The following CCL17 variants were observed in gnomAD, a reference collection of about 807,000 sequenced individuals.
The protein encoded by CCL17 is C-C motif chemokine 17.
A neutral mutation model predicts 7.4 loss-of-function variants in CCL17; 8 were observed. That is an observed-to-expected ratio of 1.09 (90% CI 0.64 to 1.96). The LOEUF (loss-of-function observed/expected upper bound fraction) is 1.96. Among genes scored for constraint, CCL17 ranks in the 30% most tolerant of loss-of-function variants. The pLI is 0.00. For synonymous variants in CCL17, 40 were observed against 46.1 expected (o/e 0.87, Z 0.54); for missense variants, 102 against 113.0 (o/e 0.90, Z 0.44).
intron 1 of CCL17, among the ~76,000 whole-genome samples, chr16:57,413,393 C>T (rs1353975495): frequency 1.3e-5 from 2 of 152,128 alleles, no homozygotes; most frequent in South Asian, 2.1e-4. Context: ...GAAGCTCACT[C>T]ATGGTCCAGG....
In CCL17 at chr16:57,415,794, G is replaced by C. The variant is rs1300662684; in HGVS notation, c.218G>C (p.Cys73Ser). The change falls in exon 4 of 4, where the codon TGT (cysteine) becomes TCT (serine). Residue 73 changes from cysteine to serine, a missense_variant. Physicochemically the swap from Cys to Ser is moderately radical, Grantham distance 112. Coordinates refer to ENST00000219244, the MANE Select transcript of CCL17 (RefSeq NM_002987.3). This position sits in a 1 kb window ranked among gnomAD's most constrained non-coding sequence, Gnocchi z 4.5. ...VFVTVQGRAI[C>S]SDPNNKRVKN... is the part of the protein sequence containing the mutation. ...GTAACTGTGCAGGGCAGGGCCATCT[G>C]TTCGGACCCCAACAACAAGAGAGTG... 1 of 1,613,516 alleles carries C rather than the reference G, an allele frequency of 6.2e-7. No homozygotes were observed.
chr16:57,404,588 G>T (rs940796973), upstream of CCL17, among the ~76,000 whole-genome samples: 18 of 152,132 alleles, frequency 1.2e-4, no homozygotes, highest in Non-Finnish European at 4.4e-5. Flanking sequence ...TAGGCAGCTG[G>T]ACGTAGAAGG....
At chr16:57,402,189 C>A (rs1335581597), upstream of CCL17, among the ~76,000 whole-genome samples, 11 of 152,248 alleles carry the variant, frequency 7.2e-5, no homozygotes, top group African/African-American at 1.4e-4. Flanking sequence ...GTGGCCACAG[C>A]CCTTCCCAAT....
chr16:57,403,416 TTATATTATAATATATATTATAA>T (rs1902629438), upstream of CCL17, among the ~76,000 whole-genome samples: 2 of 18,436 alleles, frequency 1.1e-4, 1 homozygote, highest in African/African-American at 9.5e-4. Flanking sequence ...AATATATATA[TTATATTATAATATATATTATAA>T]TATATATATT....
chr16:57,405,240 G>A (rs866237098), intron 1 of CCL17, among the ~76,000 whole-genome samples: 7 of 152,294 alleles, frequency 4.6e-5, no homozygotes, highest in Middle Eastern at 3.4e-3. Flanking sequence ...GATGAGGGAG[G>A]TGTCAGGAGA....
the CCL17 span, among the ~76,000 whole-genome samples, chr16:57,399,300 C>T: frequency 6.6e-6 from 1 of 152,182 alleles, no homozygotes; most frequent in Non-Finnish European, 1.5e-5. Flanking sequence ...ATCCCATCCA[C>T]ATGGCTGGGG....
Position 57,413,922 on chromosome 16 carries a change from C to T in CCL17, c.-11C>T. 8 of 1,602,680 alleles carry T rather than the reference C, an allele frequency of 5.0e-6. No individual in the cohort carries two copies. The highest frequency in any genetic ancestry group is 6.8e-6 in the Non-Finnish European group (8 of 1,174,766). The stretch of plus-strand genomic sequence containing the variant: ...CTGCACACAGAGACTCCCTCCTGGG[C>T]TCCTGGCACCATGGCCCCACTGAAG... On this transcript the variant is annotated 5_prime_UTR_variant, in exon 2 of 4. Transcript: ENST00000219244.
the CCL17 span, among the ~76,000 whole-genome samples, chr16:57,396,619 G>A: frequency 3.5e-4 from 53 of 152,266 alleles, no homozygotes; most frequent in African/African-American, 1.2e-3. Flanking sequence ...GGTCATGCAG[G>A]GAGTATGTTT....
chr16:57,402,146 C>T (rs1902602240), upstream of CCL17, among the ~76,000 whole-genome samples: 1 of 152,256 alleles, frequency 6.6e-6, no homozygotes, highest in Non-Finnish European at 1.5e-5. Flanking sequence ...TCTCTAGGGA[C>T]TCCTGCTTCC....
intron 1 of CCL17, among the ~76,000 whole-genome samples, chr16:57,406,851 A>C (rs1238885000): frequency 6.6e-6 from 1 of 152,164 alleles, no homozygotes. Context: ...TAGAAGAGTG[A>C]CTGGGACTCA....
At chr16:57,413,733 C>A (rs1902821763) in intron 1 of CCL17, 141 bp from the exon 2 acceptor site, 3 of 479,932 alleles carry the variant, frequency 6.3e-6, no homozygotes, top group Non-Finnish European at 1.1e-5. Flanking sequence ...CACAAACATT[C>A]CAAGAGCTAG....
At chr16:57,401,774 C>G (rs578006075), upstream of CCL17, among the ~76,000 whole-genome samples, 13 of 152,230 alleles carry the variant, frequency 8.5e-5, no homozygotes, top group African/African-American at 3.1e-4. Context: ...TACCCAGGCC[C>G]CACTCCTTTT....
At chr16:57,410,470 C>A (rs1902766068) in intron 1 of CCL17, among the ~76,000 whole-genome samples, 1 of 152,186 alleles carries the variant, frequency 6.6e-6, no homozygotes, top group Admixed American at 6.5e-5. Flanking sequence ...CCTGCCATGG[C>A]CCTTTCCCTT....
chr16:57,412,760 A>T (rs541855021), intron 1 of CCL17, among the ~76,000 whole-genome samples: 156 of 151,700 alleles, frequency 1.0e-3, no homozygotes, highest in Middle Eastern at 6.8e-3. Flanking sequence ...AGGCCATGGG[A>T]CTCTCATCCT....
At chr16:57,404,971 A>G (rs1472358534) in intron 1 of CCL17, 135 bp downstream of exon 1, 1 of 154,220 alleles carries the variant, frequency 6.5e-6, no homozygotes, top group East Asian at 1.9e-4. Context: ...CAAGAAGGGG[A>G]CAGGAGTTTG....
chr16:57,400,518 C>A (rs1234708877), upstream of CCL17, among the ~76,000 whole-genome samples: 1 of 151,378 alleles, frequency 6.6e-6, no homozygotes, highest in Non-Finnish European at 1.5e-5. Flanking sequence ...TCATTCCTTG[C>A]AGAAGGAACC....
chr16:57,405,442 T>C (rs563184935), intron 1 of CCL17, among the ~76,000 whole-genome samples: 1 of 152,160 alleles, frequency 6.6e-6, no homozygotes, highest in East Asian at 1.9e-4. Flanking sequence ...AGTTTCAGAC[T>C]TGGGGGCAGA....
the CCL17 span, among the ~76,000 whole-genome samples, chr16:57,398,995 G>A: frequency 6.6e-6 from 1 of 152,202 alleles, no homozygotes; most frequent in Non-Finnish European, 1.5e-5. Context: ...GAGTCAGAGT[G>A]CAGGGGAATG....
chr16:57,408,234 A>T (rs1902728637), intron 1 of CCL17, among the ~76,000 whole-genome samples: 1 of 151,448 alleles, frequency 6.6e-6, no homozygotes, highest in Non-Finnish European at 1.5e-5. Flanking sequence ...TCTACCATCC[A>T]TCCATCCGTC....
Sources: gnomAD v4.1 joint callset for allele counts (sites outside exome capture counted in the v4.1 genomes callset) on GRCh38, gnomAD v4.1.1 for gene constraint, Gnocchi (gnomAD v3.1) non-coding constraint, MANE v1.5 for transcripts, NCBI Gene and HGNC (gene_info 2026-07-23, HGNC 2026-07-21) for gene names.